Variants in CDH23 observed in about 807,000 individuals in gnomAD.
CDH23 encodes cadherin related 23.
A neutral mutation model predicts 317.1 loss-of-function variants in CDH23; 189 were observed. The ratio of observed to expected loss-of-function variants is 0.60; its 90% confidence interval spans 0.53 to 0.67. The LOEUF (loss-of-function observed/expected upper bound fraction) is 0.67, where lower values mean the gene tolerates loss of function less well. Among genes scored for constraint, CDH23 ranks in the 30% least tolerant of loss-of-function variants. The probability of loss-of-function intolerance (pLI) is 0.00; values close to 1 mark genes in which losing one functional copy is unlikely to be tolerated. For synonymous variants in CDH23, 1,839 were observed against 1,876.8 expected (o/e 0.98, Z 0.52); for missense variants, 4,401 against 4,592.4 (o/e 0.96, Z 1.20).
chr10:71,692,611 C>T (rs1256423266), intron 20 of CDH23, among the ~76,000 whole-genome samples: 1 of 152,188 alleles, frequency 6.6e-6, no homozygotes, highest in African/African-American at 2.4e-5. Flanking sequence ...CATTCCTGGC[C>T]TCAGCACCTA....
Position 71,741,724 on chromosome 10 carries a change from G to T in CDH23, c.4648G>T (p.Val1550Leu). 6.2e-7 allele frequency: 1 copy of T among 1,611,416 alleles called. No homozygotes were observed. The highest frequency in any genetic ancestry group is 8.5e-7 in the Non-Finnish European group (1 of 1,178,802). Residue 1550 changes from valine (V) to leucine (L), a missense_variant, in exon 38 of 70, where the codon GTG becomes TTG. Transcript: ENST00000224721. ...GGGTGGAGGTACTGCTGTGGTCCAG[G>T]TGAGAGCCACTGACCGTGACATCGG... ...NVGGGTAVVQVRATDRDIGIN... is the reference protein window; with the variant it reads ...NVGGGTAVVQLRATDRDIGIN...
At chr10:71,501,834 G>A (rs940025490) in intron 3 of CDH23, among the ~76,000 whole-genome samples, 25 of 152,238 alleles carry the variant, frequency 1.6e-4, no homozygotes, top group Non-Finnish European at 4.4e-5. Flanking sequence ...GACCCGGCCA[G>A]CCAGGAGGAG....
intron 3 of CDH23, among the ~76,000 whole-genome samples, chr10:71,476,566 C>T (rs905542312): frequency 2.0e-5 from 3 of 152,120 alleles, no homozygotes; most frequent in African/African-American, 4.8e-5. Flanking sequence ...ACTGACTTGG[C>T]CAAGAGGACA....
At position 71,751,617 on chromosome 10, in the gene CDH23, G is replaced by A. The variant is rs1425613830; in HGVS notation, c.4845+9696G>A. 3 of 1,493,684 alleles carry A rather than the reference G, an allele frequency of 2.0e-6. No individual in the cohort carries two copies. Among genetic ancestry groups the A allele is most frequent in the African/African-American group, 1.4e-5 (1 of 71,272 alleles). 92.5% of individuals were successfully genotyped at this position (1,493,684 alleles called of 1,614,324 possible). On this transcript the variant is annotated intron_variant, in intron 38 of 69. Coordinates refer to ENST00000224721, the MANE Select transcript of CDH23 (RefSeq NM_022124.6). This position sits in a 1 kb window ranked among gnomAD's most constrained non-coding sequence, Gnocchi z 4.9. ...GTGAGGCCGATGCCCTGCAGGCCAT[G>A]AGGTCATGACCTTACAGGTCATCGT...
intron 3 of CDH23, among the ~76,000 whole-genome samples, chr10:71,494,816 C>G (rs115915000): frequency 0.017 from 2,600 of 152,290 alleles, 60 homozygotes; most frequent in African/African-American, 0.054. Context: ...CCCATAACCC[C>G]CAGTTGATCT....
intron 30 of CDH23, among the ~76,000 whole-genome samples, chr10:71,729,780 A>C (rs1359405046): frequency 1.3e-5 from 2 of 152,078 alleles, no homozygotes; most frequent in Non-Finnish European, 2.9e-5. Flanking sequence ...GCCCTGGCTC[A>C]TTTTGTCTTC....
intron 3 of CDH23, among the ~76,000 whole-genome samples, chr10:71,495,359 G>A (rs957349687): frequency 6.6e-6 from 1 of 151,986 alleles, no homozygotes; most frequent in Non-Finnish European, 1.5e-5. Context: ...CAGAAGGGAG[G>A]TTGTCTTGCT....
chr10:71,812,610 G>A lies in CDH23; in HGVS notation c.9510+1G>A, dbSNP rs773078459. The stretch of plus-strand genomic sequence containing the variant: ...GTGGAACAGCCCCACGCGCACCCAT[G>A]TGAGCCAGAGGCGGTCAGGCATCAC... On this transcript the variant is annotated splice_donor_variant, in intron 67 of 69. Coordinates refer to ENST00000224721, the MANE Select transcript of CDH23 (RefSeq NM_022124.6). LOFTEE classifies it high-confidence loss of function. 1 of 1,613,784 alleles carries A rather than the reference G, an allele frequency of 6.2e-7. No individual in the cohort carries two copies. Among genetic ancestry groups the A allele is most frequent in the East Asian group, 2.2e-5 (1 of 44,894 alleles).
chr10:71,706,801 A>G, intron 25 of CDH23, 96 bp from the exon 26 acceptor site: 11 of 1,494,384 alleles, frequency 7.4e-6, no homozygotes, highest in Non-Finnish European at 9.9e-6. Flanking sequence ...TTGGGAATTC[A>G]TTCCCTACTT....
chr10:71,494,664 G>T (rs1162016192), intron 3 of CDH23, among the ~76,000 whole-genome samples: 1 of 152,202 alleles, frequency 6.6e-6, no homozygotes, highest in Non-Finnish European at 1.5e-5. Flanking sequence ...AAGCAAGCTG[G>T]CCCCCAGGGC....
At chr10:71,611,052 T>C (rs975050187) in intron 9 of CDH23, among the ~76,000 whole-genome samples, 2 of 147,918 alleles carry the variant, frequency 1.4e-5, no homozygotes, top group Non-Finnish European at 3.0e-5. Flanking sequence ...AAGGCTTCCC[T>C]GGTGAGCGCC....
intron 19 of CDH23, among the ~76,000 whole-genome samples, chr10:71,688,321 C>A (rs1408202302): frequency 6.6e-6 from 1 of 152,264 alleles, no homozygotes; most frequent in African/African-American, 2.4e-5. Flanking sequence ...ATATCAGGAA[C>A]TGCTGCAGTG....
intron 6 of CDH23, among the ~76,000 whole-genome samples, chr10:71,538,500 G>A (rs7096908): frequency 0.1 from 15,653 of 152,152 alleles, 900 homozygotes; most frequent in African/African-American, 0.12. Context: ...CCATTGGCCC[G>A]CCCCAGCCAA....
intron 14 of CDH23, among the ~76,000 whole-genome samples, chr10:71,664,916 C>CA (rs1410556908): frequency 5.3e-5 from 8 of 151,878 alleles, no homozygotes; most frequent in Non-Finnish European, 1.0e-4. Context: ...TATCTCTCCC[C>CA]CAGCCCCCAT....
intron 6 of CDH23, among the ~76,000 whole-genome samples, chr10:71,554,414 T>C (rs1856771170): frequency 6.6e-6 from 1 of 151,524 alleles, no homozygotes; most frequent in Non-Finnish European, 1.5e-5. Context: ...CCCAGGCTGG[T>C]CTCCAACTCC....
At chr10:71,765,169 G>C (rs1252815824) in intron 38 of CDH23, among the ~76,000 whole-genome samples, 3 of 152,226 alleles carry the variant, frequency 2.0e-5, no homozygotes, top group African/African-American at 7.2e-5. Context: ...CATGTGGCAG[G>C]TCCCACCAGC....
intron 6 of CDH23, among the ~76,000 whole-genome samples, chr10:71,562,530 C>A (rs1857186422): frequency 6.6e-6 from 1 of 152,182 alleles, no homozygotes; most frequent in South Asian, 2.1e-4. Context: ...GTCCCATCAG[C>A]AGAGGGTCTG....
In CDH23 at chr10:71,617,261, C is replaced by G; in HGVS notation, c.1002C>G (p.Phe334Leu). The stretch of plus-strand genomic sequence containing the variant: ...CTGACGCTACAGTCACCACGACCTT[C>G]AATATCCTGGTTATTGACATCAATG... ...TPSDATVTTT[F>L]NILVIDINDN... Residue 334 changes from phenylalanine to leucine, a missense_variant, in exon 11 of 70, where the codon TTC becomes TTG. By Grantham distance (22) the Phe-to-Leu change is conservative. Transcript: ENST00000224721. 1 of 1,614,016 alleles carries G rather than the reference C, an allele frequency of 6.2e-7. No individual in the cohort carries two copies. The highest frequency in any genetic ancestry group is 1.1e-5 in the South Asian group (1 of 91,076).
intron 6 of CDH23, among the ~76,000 whole-genome samples, chr10:71,546,678 G>A (rs1856301916): frequency 6.6e-6 from 1 of 152,238 alleles, no homozygotes; most frequent in African/African-American, 2.4e-5. Flanking sequence ...GGGGAAGAAT[G>A]TTCCAGACAG....
Sources: allele counts gnomAD v4.1 joint callset (sites outside exome capture counted in the v4.1 genomes callset), GRCh38; gene constraint gnomAD v4.1.1; non-coding constraint Gnocchi (gnomAD v3.1); transcripts MANE v1.5; gene names NCBI Gene and HGNC (gene_info 2026-07-23, HGNC 2026-07-21).